TCP11L1: variants seen among roughly 807,000 people sequenced by gnomAD.
The protein encoded by TCP11L1 is t-complex 11 like 1, also known as T-complex protein 11-like protein 1.
In TCP11L1, 28 loss-of-function variants were observed where a neutral mutation model predicts 48.9. That is an observed-to-expected ratio of 0.57 (90% confidence interval 0.42 to 0.78). The LOEUF (loss-of-function observed/expected upper bound fraction) is 0.78, where lower values mean the gene tolerates loss of function less well. TCP11L1 is among the 30% of genes least tolerant of loss of function. TCP11L1 has a pLI of 0.00. For missense variants in TCP11L1, 505 were observed against 613.4 expected (o/e 0.82, Z 1.87); for synonymous variants, 204 against 231.9 (o/e 0.88, Z 1.09).
intron 2 of TCP11L1, among the ~76,000 whole-genome samples, chr11:33,052,511 A>G (rs1039924083): frequency 7.9e-5 from 12 of 152,052 alleles, no homozygotes; most frequent in Non-Finnish European, 1.5e-4. Flanking sequence ...AGAAAAAGGA[A>G]AGAAAATAAC....
intron 6 of TCP11L1, among the ~76,000 whole-genome samples, chr11:33,060,855 G>C (rs550652255): frequency 6.6e-6 from 1 of 152,304 alleles, no homozygotes; most frequent in African/African-American, 2.4e-5. Context: ...CAGGGCTTTG[G>C]GGTCCATCTC....
intron 2 of TCP11L1, among the ~76,000 whole-genome samples, chr11:33,045,207 G>A (rs994021863): frequency 6.6e-6 from 1 of 152,008 alleles, no homozygotes; most frequent in Non-Finnish European, 1.5e-5. Flanking sequence ...ATAAAAATTA[G>A]CCAGGCATGG....
chr11:33,068,978 G>A, intron 9 of TCP11L1, 119 bp downstream of exon 9: 2 of 1,298,396 alleles, frequency 1.5e-6, no homozygotes, highest in African/African-American at 1.5e-5. Context: ...AGGAGATGGT[G>A]TAATGAAGCA....
Position 33,073,074 on chromosome 11 carries a change from C to T in TCP11L1, c.*398C>T, listed in dbSNP as rs1460034194. On this transcript the variant is annotated 3_prime_UTR_variant, in exon 10 of 10. Transcript: ENST00000334274. Reference sequence around the variant, plus strand: ...CGCAAAAGAGACCAAGCCATGGCCTCACCTCCTGCCCTCCCTCAGACAGCC... The same window carrying T: ...CGCAAAAGAGACCAAGCCATGGCCTTACCTCCTGCCCTCCCTCAGACAGCC... 9.0e-6 allele frequency: 2 copies of T among 222,856 alleles called. No homozygotes were observed. Among genetic ancestry groups the T allele is most frequent in the Non-Finnish European group, 1.8e-5 (2 of 110,926 alleles). The allele number at this position is 222,856 out of a possible 1,614,324, so 13.8% of individuals were successfully genotyped here. A position where few individuals can be genotyped will look rare whatever the true frequency, so the allele number is the denominator to read the frequency against.
In TCP11L1 at chr11:33,060,194, C is replaced by T. The variant is rs11600928; in HGVS notation, c.775+1099C>T. Among the ~76,000 whole-genome samples the T allele has an allele frequency of 8.9e-3, 1,351 of 152,174 alleles. 4 individuals carry two copies. The highest frequency in any genetic ancestry group is 0.015 in the Admixed American group (230 of 15,276). On this transcript the variant is annotated intron_variant, in intron 6 of 9. Coordinates refer to ENST00000334274, the MANE Select transcript of TCP11L1 (RefSeq NM_018393.4). Reference sequence around the variant, plus strand: ...GCACGATCTCTGCTCACTGCAACCTCCGCTAGGCAGAGTTTTGTAGCCTGA... The same window carrying T: ...GCACGATCTCTGCTCACTGCAACCTTCGCTAGGCAGAGTTTTGTAGCCTGA...
chr11:33,043,947 T>A lies in TCP11L1; in HGVS notation c.163+11T>A, dbSNP rs960696765. 8.9e-6 allele frequency: 14 copies of A among 1,581,468 alleles called. No homozygotes were observed. Among genetic ancestry groups the A allele is most frequent in the Non-Finnish European group, 1.2e-5 (14 of 1,168,748 alleles). On this transcript the variant is annotated intron_variant, in intron 2 of 9. Transcript: ENST00000334274. Reference sequence around the variant, plus strand: ...TGCAGAGACCTCACTGTAAGCAAATTTGACTTTGGTTAGATGCAATATTGT... The same window carrying A: ...TGCAGAGACCTCACTGTAAGCAAATATGACTTTGGTTAGATGCAATATTGT...
In TCP11L1 at chr11:33,054,678, A is replaced by G. The variant is rs755179254; in HGVS notation, c.249A>G (p.Val83=). The G allele has an allele frequency of 6.2e-7, 1 of 1,613,960 alleles. No homozygotes were observed. The highest frequency in any genetic ancestry group is 8.5e-7 in the Non-Finnish European group (1 of 1,179,928). Residue 83 remains valine, a synonymous_variant, in exon 3 of 10, where the codon GTA becomes GTG. Coordinates refer to ENST00000334274, the MANE Select transcript of TCP11L1 (RefSeq NM_018393.4). The part of the protein sequence containing the change: ...VTNMALAHEI[V]VNGDFQIKPV... ...ACATGGCTCTAGCCCATGAAATTGT[A>G]GTAAATGGAGACTTTCAGATTAAAC...
chr11:33,062,667 A>G (rs531585662), intron 7 of TCP11L1, among the ~76,000 whole-genome samples: 103 of 152,168 alleles, frequency 6.8e-4, no homozygotes, highest in Middle Eastern at 3.2e-3. Context: ...CCAAACAGTA[A>G]TTCCCATTGC....
At chr11:33,056,187 G>A (rs2133717393) in intron 3 of TCP11L1, among the ~76,000 whole-genome samples, 1 of 152,236 alleles carries the variant, frequency 6.6e-6, no homozygotes, top group African/African-American at 2.4e-5. Flanking sequence ...TCAGCTCACT[G>A]CAGCCTCCAT....
chr11:33,063,716 G>A (rs566332334), intron 7 of TCP11L1, among the ~76,000 whole-genome samples: 1 of 152,166 alleles, frequency 6.6e-6, no homozygotes, highest in Admixed American at 6.5e-5. Flanking sequence ...TGGGGGGTAC[G>A]TGAGCTTCTT....
intron 2 of TCP11L1, among the ~76,000 whole-genome samples, chr11:33,045,969 A>T (rs1045557192): frequency 6.6e-6 from 1 of 152,270 alleles, no homozygotes; most frequent in Non-Finnish European, 1.5e-5. Context: ...AATGGGAAAC[A>T]TGTTCTAGTT....
Position 33,068,608 on chromosome 11 carries a change from T to C in TCP11L1, c.1155-79T>C, listed in dbSNP as rs1329151536. 11 of 1,521,884 alleles carry C rather than the reference T, an allele frequency of 7.2e-6. No individual in the cohort carries two copies. The East Asian group carries it at 2.5e-4, about 35-fold the overall frequency. The allele number at this position is 1,521,884 out of a possible 1,614,324, so 94.3% of individuals were successfully genotyped here. A position where few individuals can be genotyped will look rare whatever the true frequency, so the allele number is the denominator to read the frequency against. On this transcript the variant is annotated intron_variant, in intron 8 of 9. Transcript: ENST00000334274. ...CAAATCCAGTTATTGGTGCCGTCAT[T>C]CTCACCCGGGTGTGGGCGGTTGGAG...
intron 1 of TCP11L1, among the ~76,000 whole-genome samples, chr11:33,041,752 TC>T (rs71456167): frequency 1.3e-4 from 19 of 147,644 alleles, no homozygotes; most frequent in East Asian, 4.0e-4. Flanking sequence ...CAAGAGTCTG[TC>T]CCCAAAAAAA....
At chr11:33,046,141 C>G (rs1853987568) in intron 2 of TCP11L1, among the ~76,000 whole-genome samples, 1 of 152,228 alleles carries the variant, frequency 6.6e-6, no homozygotes, top group African/African-American at 2.4e-5. Flanking sequence ...GCCTTCTGCC[C>G]TTTAGCACAG....
chr11:33,063,101 G>A (rs1490332956), intron 7 of TCP11L1, among the ~76,000 whole-genome samples: 1 of 152,192 alleles, frequency 6.6e-6, no homozygotes, highest in African/African-American at 2.4e-5. Context: ...CTGGCCTCAA[G>A]TGGTCCTCCC....
intron 1 of TCP11L1, among the ~76,000 whole-genome samples, chr11:33,041,568 T>C (rs142119365): frequency 9.1e-4 from 138 of 152,042 alleles, no homozygotes; most frequent in African/African-American, 3.3e-3. Flanking sequence ...CTGGCCAACA[T>C]AGTGAAACCC....
At chr11:33,049,181 C>T (rs1339456920) in intron 2 of TCP11L1, among the ~76,000 whole-genome samples, 5 of 145,304 alleles carry the variant, frequency 3.4e-5, no homozygotes, top group East Asian at 4.1e-4. Context: ...ACCCGGGAGG[C>T]GGAGGTTGCA....
chr11:33,048,523 G>T (rs183662522), intron 2 of TCP11L1, among the ~76,000 whole-genome samples: 27 of 152,286 alleles, frequency 1.8e-4, no homozygotes, highest in African/African-American at 6.5e-4. Context: ...TCCTCTGTAT[G>T]TACATCGGTA....
intron 5 of TCP11L1, 97 bp downstream of exon 5, chr11:33,058,236 TTG>T: frequency 1.7e-6 from 2 of 1,186,534 alleles, no homozygotes; most frequent in Non-Finnish European, 2.3e-6. Context: ...TCTCACTCTG[TTG>T]CAAAGGCTGG....
Sources: gnomAD v4.1 joint callset for allele counts (sites outside exome capture counted in the v4.1 genomes callset) on GRCh38, gnomAD v4.1.1 for gene constraint, MANE v1.5 for transcripts, NCBI Gene and HGNC (gene_info 2026-07-23, HGNC 2026-07-21) for gene names.